Variants in EVL observed in about 807,000 individuals in gnomAD.
The protein encoded by EVL is ena/VASP-like protein.
In EVL, 21 loss-of-function variants were observed where a neutral mutation model predicts 59.6. The ratio of observed to expected loss-of-function variants is 0.35; its 90% CI spans 0.25 to 0.51. EVL has a LOEUF of 0.51. Among genes scored for constraint, EVL ranks in the 20% least tolerant of loss-of-function variants. EVL has a pLI of 0.97. For missense variants in EVL, 462 were observed against 546.6 expected (o/e 0.85, Z 1.54); for synonymous variants, 198 against 203.5 (o/e 0.97, Z 0.23).
chr14:100,050,353 A>T (rs1350109571), intron 1 of EVL, among the ~76,000 whole-genome samples: 14 of 28,694 alleles, frequency 4.9e-4, no homozygotes, highest in African/African-American at 1.2e-3. Context: ...TTATTTATTT[A>T]TTTATTTATT....
chr14:100,033,262 A>G (rs569192785), intron 1 of EVL, among the ~76,000 whole-genome samples: 61 of 152,354 alleles, frequency 4.0e-4, no homozygotes, highest in Non-Finnish European at 5.3e-4. Flanking sequence ...CTAGATTCCT[A>G]TACAAACAAG....
intron 1 of EVL, among the ~76,000 whole-genome samples, chr14:99,981,496 A>G (rs1234441533): frequency 6.6e-6 from 1 of 152,222 alleles, no homozygotes; most frequent in Admixed American, 6.5e-5. Context: ...AAATTAAATC[A>G]TATTGTTTCA....
intron 1 of EVL, among the ~76,000 whole-genome samples, chr14:100,068,921 G>T (rs1566995478): frequency 6.6e-6 from 1 of 152,142 alleles, no homozygotes; most frequent in Non-Finnish European, 1.5e-5. Flanking sequence ...CACTTTTGGG[G>T]CCAGCCAGTT....
At chr14:100,086,394 GAGGGCAATACCTCCATGT>G in intron 2 of EVL, among the ~76,000 whole-genome samples, 1 of 152,328 alleles carries the variant, frequency 6.6e-6, no homozygotes. Context: ...TGGGGCTTGT[GAGGGCAATACCTCCATGT>G]CTTTGACACA....
Position 100,082,118 on chromosome 14 carries a change from C to T in EVL, c.12-2569C>T, listed in dbSNP as rs2062322588. ...CAGCCTGGGCAACAGAGTGAGACTC[C>T]GTCTCAAAAAAATAAATAAATAAAA... On this transcript the variant is annotated intron_variant, in intron 1 of 13. Transcript: ENST00000392920. Among the ~76,000 whole-genome samples the T allele has an allele frequency of 2.6e-5, 4 of 151,930 alleles. No homozygotes were observed. The South Asian group carries it at 6.2e-4, about 24-fold the overall frequency.
intron 2 of EVL, among the ~76,000 whole-genome samples, chr14:100,095,394 A>G (rs968944617): frequency 2.2e-4 from 34 of 152,222 alleles, no homozygotes; most frequent in Non-Finnish European, 2.2e-4. Flanking sequence ...CTCTTCCCTC[A>G]TGCTGGTCAC....
intron 1 of EVL, among the ~76,000 whole-genome samples, chr14:100,080,510 G>C (rs752068019): frequency 3.3e-5 from 5 of 152,216 alleles, no homozygotes; most frequent in Non-Finnish European, 7.3e-5. Context: ...CTGAGGCCTA[G>C]AGTCACATGG....
At chr14:100,126,239 C>T (rs536472202) in intron 4 of EVL, among the ~76,000 whole-genome samples, 194 of 152,344 alleles carry the variant, frequency 1.3e-3, no homozygotes, top group Non-Finnish European at 2.4e-3. Context: ...GGCCTATGAC[C>T]GCTCAGTGGT....
chr14:100,137,506 T>G, intron 9 of EVL, 72 bp from the exon 10 acceptor site: 1 of 1,489,864 alleles, frequency 6.7e-7, no homozygotes, highest in Non-Finnish European at 9.3e-7. Context: ...CCTGTTGGGG[T>G]GTTTAGGGGA....
At chr14:99,981,291 G>A (rs2060804451) in intron 1 of EVL, among the ~76,000 whole-genome samples, 1 of 152,070 alleles carries the variant, frequency 6.6e-6, no homozygotes, top group Non-Finnish European at 1.5e-5. Context: ...AATTAGCCAG[G>A]CGTGGTGGCG....
chr14:100,066,135 T>C (rs1190956), intron 1 of EVL, among the ~76,000 whole-genome samples: 117,295 of 152,114 alleles, frequency 0.77, 46,197 homozygotes, highest in Non-Finnish European at 0.85. Context: ...TCTGAAAGAT[T>C]ATAGATGATA....
At chr14:100,024,991 C>T (rs558756017) in intron 1 of EVL, among the ~76,000 whole-genome samples, 1 of 152,228 alleles carries the variant, frequency 6.6e-6, no homozygotes, top group South Asian at 2.1e-4. Flanking sequence ...ACACCAAATC[C>T]AACCACTTCC....
intron 2 of EVL, among the ~76,000 whole-genome samples, chr14:100,086,363 G>C (rs1193723583): frequency 2.0e-5 from 3 of 152,202 alleles, no homozygotes; most frequent in Non-Finnish European, 4.4e-5. Flanking sequence ...AATATCTCAA[G>C]CTTTCAGAAC....
At chr14:100,096,631 G>A (rs1269770554) in intron 2 of EVL, among the ~76,000 whole-genome samples, 1 of 152,178 alleles carries the variant, frequency 6.6e-6, no homozygotes, top group Non-Finnish European at 1.5e-5. Flanking sequence ...GCAGAATGAG[G>A]GCTCCAGCCC....
At chr14:100,038,971 G>A (rs1161090147) in intron 1 of EVL, among the ~76,000 whole-genome samples, 2 of 152,100 alleles carry the variant, frequency 1.3e-5, no homozygotes, top group African/African-American at 4.8e-5. Flanking sequence ...TCCTTCTGCA[G>A]CCATGACCCA....
At chr14:100,002,077 G>A (rs1595554962) in intron 1 of EVL, among the ~76,000 whole-genome samples, 2 of 152,206 alleles carry the variant, frequency 1.3e-5, no homozygotes, top group South Asian at 4.1e-4. Flanking sequence ...AAGTTTCCTT[G>A]ACTCTAAAAA....
In EVL at chr14:100,137,736, G is replaced by A. The variant is rs748191792; in HGVS notation, c.1032-4G>A. 93 of 1,613,946 alleles carry A rather than the reference G, an allele frequency of 5.8e-5. No homozygotes were observed. The highest frequency in any genetic ancestry group is 1.8e-4 in the Admixed American group (11 of 60,014). On this transcript the variant is annotated splice_region_variant and splice_polypyrimidine_tract_variant and intron_variant, in intron 10 of 13. Coordinates refer to ENST00000392920, the MANE Select transcript of EVL (RefSeq NM_016337.3). ...CACATGTCTGTTTCATTCCATTGCC[G>A]TAGAACCCCGTCTGTGGCAAAGAGC...
intron 1 of EVL, among the ~76,000 whole-genome samples, chr14:100,071,949 A>C (rs1307160756): frequency 2.6e-5 from 4 of 151,450 alleles, no homozygotes; most frequent in Non-Finnish European, 2.9e-5. Flanking sequence ...GCCCATTAAG[A>C]AAAAAAAATG....
intron 1 of EVL, among the ~76,000 whole-genome samples, chr14:99,991,507 G>T (rs1478052710): frequency 3.3e-5 from 5 of 152,148 alleles, no homozygotes; most frequent in Non-Finnish European, 7.4e-5. Context: ...TCACACATAG[G>T]AATGTGGTGT....
Sources: allele counts gnomAD v4.1 joint callset (sites outside exome capture counted in the v4.1 genomes callset), GRCh38; gene constraint gnomAD v4.1.1; transcripts MANE v1.5; gene names NCBI Gene and HGNC (gene_info 2026-07-23, HGNC 2026-07-21).